The following SOX6 variants were observed in gnomAD, a reference collection of about 807,000 sequenced individuals.
The protein encoded by SOX6 is SRY-box transcription factor 6.
SOX6 carries 11 observed loss-of-function variants against 97.8 expected under a neutral mutation model. The ratio of observed to expected loss-of-function variants is 0.11; its 90% CI spans 0.07 to 0.19. The LOEUF is 0.19. Among genes scored for constraint, SOX6 ranks in the 10% least tolerant of loss-of-function variants. SOX6 has a pLI of 1.00. For missense variants in SOX6, 810 were observed against 1,039.5 expected (o/e 0.78, Z 3.04); for synonymous variants, 360 against 371.4 (o/e 0.97, Z 0.35).
At chr11:16,446,879 C>A (rs1193182023) in intron 1 of SOX6, among the ~76,000 whole-genome samples, 1 of 151,622 alleles carries the variant, frequency 6.6e-6, no homozygotes, top group African/African-American at 2.4e-5. Flanking sequence ...TGTTTTCCTT[C>A]CTTCCTTTCT....
At chr11:16,381,514 T>G (rs1444981011) in intron 1 of SOX6, among the ~76,000 whole-genome samples, 2 of 152,004 alleles carry the variant, frequency 1.3e-5, no homozygotes, top group African/African-American at 4.8e-5. Context: ...TAAAATATGT[T>G]CAATTTTTTT....
chr11:16,728,449 G>T (rs1848324091), intron 2 of SOX6, among the ~76,000 whole-genome samples: 1 of 152,182 alleles, frequency 6.6e-6, no homozygotes, highest in South Asian at 2.1e-4. Flanking sequence ...GGTCTGGAGT[G>T]GACCTCCAGC....
chr11:16,064,448 C>T (rs1325207144), intron 9 of SOX6, among the ~76,000 whole-genome samples: 1 of 151,408 alleles, frequency 6.6e-6, no homozygotes, highest in Non-Finnish European at 1.5e-5. Context: ...TAAAAATCAT[C>T]TCTCAGAATA....
chr11:16,105,425 A>T (rs1454192190), intron 7 of SOX6, among the ~76,000 whole-genome samples: 2 of 152,050 alleles, frequency 1.3e-5, no homozygotes, highest in African/African-American at 4.8e-5. Flanking sequence ...ACAGCTGGCC[A>T]AGTGTGGTGG....
chr11:16,043,569 T>C (rs763801439), intron 12 of SOX6, among the ~76,000 whole-genome samples: 19 of 152,176 alleles, frequency 1.2e-4, no homozygotes, highest in Non-Finnish European at 2.9e-5. Context: ...CGTGTAATCA[T>C]ATGGACACAT....
At position 16,680,535 on chromosome 11, in the gene SOX6, A is replaced by C. The variant is rs545706595; in HGVS notation, n.429+34295T>G. Among the ~76,000 whole-genome samples, 7 of 152,342 alleles carry C rather than the reference A, an allele frequency of 4.6e-5. No individual in the cohort carries two copies. The South Asian group carries it at 1.2e-3, about 27-fold the overall frequency. On this transcript the variant is annotated intron_variant and non_coding_transcript_variant, in intron 3 of 5. Transcript: ENST00000524520. ...AATTGTATAGACAATAGACGCTATGAAGAAACGGCATCAATTAATGGCCAA... is the reference window on the plus strand; with the variant it reads ...AATTGTATAGACAATAGACGCTATGCAGAAACGGCATCAATTAATGGCCAA...
chr11:16,234,605 C>G lies in SOX6; in HGVS notation c.512G>C (p.Ser171Thr). 6.3e-7 allele frequency: 1 copy of G among 1,595,010 alleles called. No individual in the cohort carries two copies. The highest frequency in any genetic ancestry group is 1.1e-5 in the South Asian group (1 of 89,752). The change falls in exon 4 of 16, where the codon AGT becomes ACT. Residue 171 changes from serine (S) to threonine (T), a missense_variant. This residue lies in a region of SOX6 where 110 missense variants were observed against 119.0 expected (regional missense o/e 0.92). Transcript: ENST00000683767. ...ACCTTTAATTTCTCCAAGAAGTTCA[C>G]TGGTATTTAGTCTTTCCATTTTTTC... ...WKEKMERLNT[S>T]ELLGEIKGTP...
chr11:16,058,497 C>T (rs1847872047), intron 9 of SOX6, among the ~76,000 whole-genome samples: 1 of 152,052 alleles, frequency 6.6e-6, no homozygotes, highest in Admixed American at 6.6e-5. Flanking sequence ...ATGGGGTAGA[C>T]TTATTGATTT....
intron 6 of SOX6, among the ~76,000 whole-genome samples, chr11:16,117,121 G>A (rs1372294526): frequency 2.6e-5 from 4 of 152,040 alleles, no homozygotes; most frequent in Admixed American, 6.5e-5. Context: ...AGGCCAAGCC[G>A]GGTGGATCAA....
chr11:16,482,622 T>C (rs533780773), intron 4 of SOX6, among the ~76,000 whole-genome samples: 4 of 152,316 alleles, frequency 2.6e-5, no homozygotes, highest in African/African-American at 9.6e-5. Flanking sequence ...GCCAAGTTTT[T>C]AAGTCTAAAT....
chr11:16,443,137 T>C (rs775984607), intron 1 of SOX6, among the ~76,000 whole-genome samples: 1 of 152,190 alleles, frequency 6.6e-6, no homozygotes, highest in Non-Finnish European at 1.5e-5. Flanking sequence ...TAATTCCCTA[T>C]AAAAGGTAGC....
chr11:16,482,224 T>C (rs1050326617), intron 4 of SOX6, among the ~76,000 whole-genome samples: 2 of 152,222 alleles, frequency 1.3e-5, no homozygotes, highest in African/African-American at 4.8e-5. Flanking sequence ...CAAAAGTTAA[T>C]TGCAATATGG....
At chr11:15,987,315 T>C (rs1005592606) in intron 14 of SOX6, among the ~76,000 whole-genome samples, 10 of 152,188 alleles carry the variant, frequency 6.6e-5, no homozygotes, top group African/African-American at 2.2e-4. Context: ...AGCAATATCC[T>C]AGTCTGCTTT....
intron 1 of SOX6, among the ~76,000 whole-genome samples, chr11:16,406,199 A>C: frequency 6.6e-6 from 1 of 152,048 alleles, no homozygotes; most frequent in Non-Finnish European, 1.5e-5. Flanking sequence ...CTTGAAACCA[A>C]CAGGAAATAT....
Position 16,046,542 on chromosome 11 carries a change from A to C in SOX6, c.1595T>G (p.Met532Arg), listed in dbSNP as rs1314921221. 1 of 1,613,462 alleles carries C rather than the reference A, an allele frequency of 6.2e-7. No homozygotes were observed. The highest frequency in any genetic ancestry group is 1.3e-5 in the African/African-American group (1 of 74,882). Residue 532 changes from methionine (M) to arginine (R), a missense_variant, in exon 12 of 16, where the codon ATG becomes AGG. Met to Arg is a moderately conservative substitution (Grantham distance 91, BLOSUM62 -1). Transcript: ENST00000683767. The part of the protein sequence containing the change: ...VDGKLSSINN[M>R]GLNSCRNEKE... The stretch of plus-strand genomic sequence containing the variant: ...TTCATTCCTGCAGCTGTTCAGCCCC[A>C]TATTATTTATGGAGGACAGTTTCCC...
At chr11:16,103,920 T>G (rs1291743039) in intron 7 of SOX6, among the ~76,000 whole-genome samples, 1 of 151,900 alleles carries the variant, frequency 6.6e-6, no homozygotes, top group African/African-American at 2.4e-5. Context: ...TTGGGTACAG[T>G]GTACACTGCT....
rs200992742 is a variant in SOX6 at position 16,583,618 on chromosome 11, T to C, written n.609+28463A>G. ...GTATATATGTGTATATATATACATA[T>C]ATATATATATATATATATACACATA... On this transcript the variant is annotated intron_variant and non_coding_transcript_variant, in intron 4 of 5. Transcript: ENST00000524520. Among the ~76,000 whole-genome samples the C allele has an allele frequency of 4.0e-5, 5 of 126,012 alleles. No individual in the cohort carries two copies. The East Asian group carries it at 8.9e-4, about 22-fold the overall frequency. The allele number at this position is 126,012 out of a possible 152,430, so 82.7% of individuals were successfully genotyped here.
At chr11:16,173,087 A>G (rs916361231) in intron 6 of SOX6, among the ~76,000 whole-genome samples, 2 of 151,902 alleles carry the variant, frequency 1.3e-5, no homozygotes, top group Non-Finnish European at 2.9e-5. Context: ...GGTTGGGAGG[A>G]TAAGAGTTAG....
At chr11:16,697,427 A>C (rs1848062172) in intron 3 of SOX6, among the ~76,000 whole-genome samples, 1 of 152,154 alleles carries the variant, frequency 6.6e-6, no homozygotes, top group African/African-American at 2.4e-5. Context: ...TGAGGTCAGG[A>C]GTTTCAGACC....
Sources: allele counts gnomAD v4.1 joint callset (sites outside exome capture counted in the v4.1 genomes callset), GRCh38; gene constraint gnomAD v4.1.1; regional missense constraint gnomAD v4.1.1; transcripts MANE v1.5; gene names NCBI Gene and HGNC (gene_info 2026-07-23, HGNC 2026-07-21).